The following DNAI1 variants were observed in gnomAD, a reference collection of about 807,000 sequenced individuals.
DNAI1 encodes the protein dynein, axonemal, intermediate polypeptide 1.
Under a neutral mutation model 92.0 loss-of-function variants are expected in DNAI1, and 67 were observed. The observed-to-expected ratio is 0.73, with a 90% CI of 0.60 to 0.89. The LOEUF (loss-of-function observed/expected upper bound fraction) is 0.89. DNAI1 is among the 40% of genes least tolerant of loss of function. The pLI is 0.00. For synonymous variants in DNAI1, 323 were observed against 319.6 expected (o/e 1.01, Z -0.11); for missense variants, 839 against 866.6 (o/e 0.97, Z 0.40).
chr9:34,485,384 G>A, intron 3 of DNAI1, 53 bp from the exon 4 acceptor site: 1 of 1,605,520 alleles, frequency 6.2e-7, no homozygotes, highest in Non-Finnish European at 8.5e-7. Flanking sequence ...CTAAGCCTCA[G>A]ATAGGGTTGG....
chr9:34,475,237 T>C (rs1169977098), intron 1 of DNAI1, among the ~76,000 whole-genome samples: 1 of 152,184 alleles, frequency 6.6e-6, no homozygotes, highest in Non-Finnish European at 1.5e-5. Context: ...GTATTTAGTT[T>C]CAATTTAGCT....
intron 4 of DNAI1, among the ~76,000 whole-genome samples, chr9:34,487,615 C>T (rs902407271): frequency 1.1e-4 from 16 of 152,046 alleles, no homozygotes; most frequent in African/African-American, 3.4e-4. Flanking sequence ...ACTCTATGGG[C>T]TCCTGTTCTT....
Position 34,514,681 on chromosome 9 carries a change from A to G in DNAI1, c.1760A>G (p.Asp587Gly). Residue 587 changes from aspartate to glycine, a missense_variant, in exon 18 of 20, where the codon GAT (aspartate) becomes GGT (glycine). Transcript: ENST00000242317. ...FIYDLNSAVG[D>G]VAWAPYSSTV... The stretch of plus-strand genomic sequence containing the variant: ...TATGACCTGAACTCAGCCGTGGGTG[A>G]TGTGGCCTGGGCGCCATACTCTTCT... The G allele has an allele frequency of 6.2e-7, 1 of 1,613,972 alleles. No individual in the cohort carries two copies. The highest frequency in any genetic ancestry group is 2.2e-5 in the East Asian group (1 of 44,890).
At chr9:34,512,551 A>G in intron 15 of DNAI1, 127 bp downstream of exon 15, 1 of 947,668 alleles carries the variant, frequency 1.1e-6, no homozygotes, top group Non-Finnish European at 1.7e-6. Flanking sequence ...CTGACAGGAG[A>G]TTGTAGGAAG....
intron 16 of DNAI1, 82 bp downstream of exon 16, chr9:34,513,273 T>G (rs1825109083): frequency 9.3e-7 from 1 of 1,079,074 alleles, no homozygotes; most frequent in South Asian, 1.2e-5. Flanking sequence ...ACAGATCCTA[T>G]TTTGATGGAT....
At chr9:34,466,209 A>C (rs1440936290) in intron 1 of DNAI1, among the ~76,000 whole-genome samples, 1 of 152,272 alleles carries the variant, frequency 6.6e-6, no homozygotes, top group Non-Finnish European at 1.5e-5. Context: ...GGCCTGCAGA[A>C]GAAGCAATTC....
At chr9:34,460,835 ATTATT>A (rs901360913) in intron 1 of DNAI1, among the ~76,000 whole-genome samples, 5 of 149,162 alleles carry the variant, frequency 3.4e-5, no homozygotes, top group African/African-American at 1.2e-4. Flanking sequence ...ATTTTTTTTT[ATTATT>A]TTATTTTATT....
chr9:34,513,606 T>C (rs1825115373), intron 16 of DNAI1, among the ~76,000 whole-genome samples: 1 of 152,216 alleles, frequency 6.6e-6, no homozygotes, highest in Non-Finnish European at 1.5e-5. Context: ...GGTCAGTTTC[T>C]ACAAGGTCTC....
chr9:34,486,751 C>T (rs1236010100), intron 4 of DNAI1, among the ~76,000 whole-genome samples: 1 of 152,168 alleles, frequency 6.6e-6, no homozygotes, highest in African/African-American at 2.4e-5. Flanking sequence ...CGCAAGGAAA[C>T]CCCAAGCCAC....
At chr9:34,506,582 G>T (rs1447089476) in intron 12 of DNAI1, 45 bp from the exon 13 acceptor site, 1 of 1,613,388 alleles carries the variant, frequency 6.2e-7, no homozygotes, top group Admixed American at 1.7e-5. Context: ...CTCCAGGCAG[G>T]GCAGTTGGAT....
At chr9:34,459,387 T>A (rs1330874478) in intron 1 of DNAI1, among the ~76,000 whole-genome samples, 1 of 152,156 alleles carries the variant, frequency 6.6e-6, no homozygotes, top group Non-Finnish European at 1.5e-5. Context: ...ACGAGTCCCT[T>A]CCTCCTTGTT....
intron 1 of DNAI1, among the ~76,000 whole-genome samples, chr9:34,480,965 G>GC (rs1287263148): frequency 6.6e-6 from 1 of 151,848 alleles, no homozygotes; most frequent in African/African-American, 2.4e-5. Flanking sequence ...AATAGGCTGG[G>GC]CGTGGTGGCT....
intron 1 of DNAI1, among the ~76,000 whole-genome samples, chr9:34,480,459 G>A (rs1470470951): frequency 1.3e-5 from 2 of 151,656 alleles, no homozygotes; most frequent in South Asian, 2.1e-4. Context: ...TGTATTTTTA[G>A]TAGAGACAGG....
At chr9:34,506,572 C>T in intron 12 of DNAI1, 55 bp from the exon 13 acceptor site, 2 of 1,612,420 alleles carry the variant, frequency 1.2e-6, no homozygotes, top group South Asian at 1.1e-5. Context: ...GAGGGGGCTT[C>T]TCCAGGCAGG....
Position 34,512,113 on chromosome 9 carries a change from A to G in DNAI1, c.1316A>G (p.Lys439Arg). ...TCACATTTTGGGATGTTTCAGGTCAAGTGGCAGAAGGATGACATGGACCAA... is the reference window on the plus strand; with the variant it reads ...TCACATTTTGGGATGTTTCAGGTCAGGTGGCAGAAGGATGACATGGACCAA... ...GKHSDPVWQV[K>R]WQKDDMDQNL... Residue 439 changes from lysine (K) to arginine (R), a missense_variant, in exon 14 of 20, where the codon AAG (lysine) becomes AGG (arginine). Transcript: ENST00000242317. 6.2e-7 allele frequency: 1 copy of G among 1,614,146 alleles called. No individual in the cohort carries two copies. Among genetic ancestry groups the G allele is most frequent in the South Asian group, 1.1e-5 (1 of 91,074 alleles).
chr9:34,478,883 A>G (rs1404021980), intron 1 of DNAI1: 1 of 152,226 alleles, frequency 6.6e-6, no homozygotes, highest in Non-Finnish European at 1.5e-5. Context: ...CCAGACCCAG[A>G]GACTAACAGA....
At chr9:34,517,238 G>A (rs1156510305) in intron 18 of DNAI1, 47 bp from the exon 19 acceptor site, 64 of 1,599,170 alleles carry the variant, frequency 4.0e-5, no homozygotes, top group Non-Finnish European at 5.4e-5. Flanking sequence ...TGAGGTGGAA[G>A]ACAGGCCTCA....
intron 1 of DNAI1, among the ~76,000 whole-genome samples, chr9:34,481,632 C>T (rs538698445): frequency 2.6e-4 from 40 of 152,250 alleles, no homozygotes; most frequent in Admixed American, 4.6e-4. Flanking sequence ...AGATGTGTTC[C>T]GAGTTTCTTC....
chr9:34,518,309 C>G (rs1217332158), intron 19 of DNAI1, among the ~76,000 whole-genome samples: 3 of 152,344 alleles, frequency 2.0e-5, no homozygotes, highest in Non-Finnish European at 4.4e-5. Flanking sequence ...CTGTGTCTTT[C>G]GACTACTGTC....
Sources: allele counts gnomAD v4.1 joint callset (sites outside exome capture counted in the v4.1 genomes callset), GRCh38; gene constraint gnomAD v4.1.1; transcripts MANE v1.5; gene names NCBI Gene and HGNC (gene_info 2026-07-23, HGNC 2026-07-21).